The following XKR4 variants were observed in gnomAD, a reference collection of about 807,000 sequenced individuals.
XKR4 encodes XK-related protein 4.
In XKR4, 12 loss-of-function variants were observed where a neutral mutation model predicts 53.9. The ratio of observed to expected loss-of-function variants is 0.22; its 90% CI spans 0.14 to 0.36. The LOEUF (loss-of-function observed/expected upper bound fraction) is 0.36, where lower values mean the gene tolerates loss of function less well. Ranked by LOEUF, XKR4 falls within the 10% of genes least tolerant of loss-of-function variation. The probability of loss-of-function intolerance (pLI) is 1.00; values close to 1 mark genes in which losing one functional copy is unlikely to be tolerated. For synonymous variants in XKR4, 354 were observed against 362.4 expected (o/e 0.98, Z 0.26); for missense variants, 799 against 859.5 (o/e 0.93, Z 0.88).
At position 55,523,388 on chromosome 8, in the gene XKR4, G is replaced by A. The variant is rs886369114; in HGVS notation, c.1114G>A (p.Val372Ile). 3.7e-6 allele frequency: 6 copies of A among 1,614,214 alleles called. No individual in the cohort carries two copies. Among genetic ancestry groups the A allele is most frequent in the East Asian group, 2.2e-5 (1 of 44,880 alleles). ...CAAGAAGCCCATCAGCTACATGGCC[G>A]TCATCATCCAGTTCTGCTGGCACTT... ...DDKKPISYMA[V>I]IIQFCWHFFT... is the part of the protein sequence containing the mutation. Residue 372 changes from valine (V) to isoleucine (I), a missense_variant, in exon 3 of 3, where the codon GTC becomes ATC. Physicochemically the swap from Val to Ile is conservative, Grantham distance 29. Coordinates refer to ENST00000327381, the MANE Select transcript of XKR4 (RefSeq NM_052898.2).
intron 1 of XKR4, among the ~76,000 whole-genome samples, chr8:55,190,642 A>G (rs1366989915): frequency 2.0e-5 from 3 of 152,180 alleles, no homozygotes; most frequent in Non-Finnish European, 4.4e-5. Context: ...GATAAAAATA[A>G]GGGAATAAAA....
At position 55,523,432 on chromosome 8, in the gene XKR4, G is replaced by T; in HGVS notation, c.1158G>T (p.Arg386Ser). Reference protein sequence around the residue: ...FCWHFFTIAARVITFALFASV... With the variant: ...FCWHFFTIAASVITFALFASV... ...GGCACTTCTTCACCATCGCCGCCAGGGTCATCACGTTTGCCCTCTTTGCCT... is the reference window on the plus strand; with the variant it reads ...GGCACTTCTTCACCATCGCCGCCAGTGTCATCACGTTTGCCCTCTTTGCCT... The change falls in exon 3 of 3, where the codon AGG becomes AGT. Residue 386 changes from arginine (R) to serine (S), a missense_variant. This residue lies in a region of XKR4 where 54 missense variants were observed against 89.7 expected (regional missense o/e 0.60). Transcript: ENST00000327381. The T allele has an allele frequency of 6.2e-7, 1 of 1,614,150 alleles. No homozygotes were observed.
chr8:55,254,486 A>G (rs1013929268), intron 1 of XKR4, among the ~76,000 whole-genome samples: 1 of 152,154 alleles, frequency 6.6e-6, no homozygotes, highest in African/African-American at 2.4e-5. Context: ...AAATCTATAA[A>G]TGACCTTTTT....
chr8:55,172,914 G>A (rs1474168156), intron 1 of XKR4, among the ~76,000 whole-genome samples: 2 of 152,170 alleles, frequency 1.3e-5, no homozygotes, highest in African/African-American at 4.8e-5. Flanking sequence ...ATCTGGTTTC[G>A]TTTCAGTGTT....
intron 2 of XKR4, among the ~76,000 whole-genome samples, chr8:55,436,171 G>A (rs867153843): frequency 6.6e-6 from 1 of 152,156 alleles, no homozygotes; most frequent in Non-Finnish European, 1.5e-5. Context: ...TATATTCAAT[G>A]AGGAACATTT....
At chr8:55,467,340 A>G (rs995362601) in intron 2 of XKR4, among the ~76,000 whole-genome samples, 2 of 152,114 alleles carry the variant, frequency 1.3e-5, no homozygotes, top group African/African-American at 4.8e-5. Context: ...GGTTAACTCA[A>G]AGTCAAATGA....
chr8:55,109,476 T>G (rs1034916893), intron 1 of XKR4, among the ~76,000 whole-genome samples: 1 of 152,190 alleles, frequency 6.6e-6, no homozygotes, highest in African/African-American at 2.4e-5. Flanking sequence ...ATGCCACCCC[T>G]GAGTGCTGGC....
At chr8:55,396,399 G>GTT (rs71256534) in intron 2 of XKR4, among the ~76,000 whole-genome samples, 6 of 88,744 alleles carry the variant, frequency 6.8e-5, no homozygotes, top group African/African-American at 2.5e-4. Flanking sequence ...TTTTTGTTTG[G>GTT]TTTTTTTTTT....
intron 2 of XKR4, among the ~76,000 whole-genome samples, chr8:55,456,870 A>G (rs1473561934): frequency 6.6e-6 from 1 of 152,208 alleles, no homozygotes; most frequent in Non-Finnish European, 1.5e-5. Context: ...ATGTGAAAAA[A>G]TAATAGATAA....
chr8:55,400,295 C>T (rs1222929216), intron 2 of XKR4, among the ~76,000 whole-genome samples: 2 of 152,002 alleles, frequency 1.3e-5, no homozygotes, highest in African/African-American at 4.8e-5. Flanking sequence ...TCAGACTCCC[C>T]ATCCCCTAGA....
intron 1 of XKR4, among the ~76,000 whole-genome samples, chr8:55,173,020 G>T (rs1044272889): frequency 4.6e-5 from 7 of 152,186 alleles, no homozygotes; most frequent in Admixed American, 3.9e-4. Context: ...CACAAATTTT[G>T]TAGCTGGAGT....
intron 1 of XKR4, among the ~76,000 whole-genome samples, chr8:55,326,460 TTTTTTTCC>T (rs1366874159): frequency 3.8e-5 from 5 of 132,706 alleles, no homozygotes; most frequent in Non-Finnish European, 7.9e-5. Flanking sequence ...CTCAACTGAT[TTTTTTTCC>T]TTTTTTTTTT....
chr8:55,218,242 A>G (rs1256147421), intron 1 of XKR4, among the ~76,000 whole-genome samples: 4 of 152,262 alleles, frequency 2.6e-5, no homozygotes, highest in African/African-American at 9.6e-5. Context: ...TCAGTATTAT[A>G]AAAGTCCACT....
At position 55,524,260 on chromosome 8, in the gene XKR4, G is replaced by C; in HGVS notation, c.*33G>C. The C allele has an allele frequency of 6.3e-7, 1 of 1,582,372 alleles. No individual in the cohort carries two copies. The highest frequency in any genetic ancestry group is 8.6e-7 in the Non-Finnish European group (1 of 1,160,800). On this transcript the variant is annotated 3_prime_UTR_variant, in exon 3 of 3. Coordinates refer to ENST00000327381, the MANE Select transcript of XKR4 (RefSeq NM_052898.2). Reference sequence around the variant, plus strand: ...GGAGTTGCAGGACCCACAACATCCAGATGAAGGGGTGACAGCAGGGCTGTG... The same window carrying C: ...GGAGTTGCAGGACCCACAACATCCACATGAAGGGGTGACAGCAGGGCTGTG...
At chr8:55,464,536 A>C (rs1278284225) in intron 2 of XKR4, among the ~76,000 whole-genome samples, 5 of 152,148 alleles carry the variant, frequency 3.3e-5, no homozygotes, top group Admixed American at 2.0e-4. Context: ...AATGGGCAAA[A>C]ACTGGAAGCA....
intron 1 of XKR4, among the ~76,000 whole-genome samples, chr8:55,257,573 G>T (rs1410140048): frequency 1.3e-5 from 2 of 152,138 alleles, no homozygotes; most frequent in Non-Finnish European, 2.9e-5. Flanking sequence ...AAACCCTATA[G>T]CAGTATGTTT....
chr8:55,403,267 C>A (rs1428219719), intron 2 of XKR4, among the ~76,000 whole-genome samples: 1 of 152,164 alleles, frequency 6.6e-6, no homozygotes, highest in Non-Finnish European at 1.5e-5. Flanking sequence ...ATTAACTTTG[C>A]AAATTTTGCC....
At chr8:55,239,521 C>T (rs772157738) in intron 1 of XKR4, among the ~76,000 whole-genome samples, 4 of 152,152 alleles carry the variant, frequency 2.6e-5, no homozygotes, top group Non-Finnish European at 5.9e-5. Context: ...TACTGCACTA[C>T]CTTTTGTCTC....
At chr8:55,431,408 A>G (rs1269036660) in intron 2 of XKR4, among the ~76,000 whole-genome samples, 1 of 152,254 alleles carries the variant, frequency 6.6e-6, no homozygotes, top group African/African-American at 2.4e-5. Context: ...TCAAAGTTCA[A>G]AATGCTTTTA....
Sources: allele counts gnomAD v4.1 joint callset (sites outside exome capture counted in the v4.1 genomes callset), GRCh38; gene constraint gnomAD v4.1.1; regional missense constraint gnomAD v4.1.1; transcripts MANE v1.5; gene names NCBI Gene and HGNC (gene_info 2026-07-23, HGNC 2026-07-21).